The following SLC6A17 variants were observed in gnomAD, a reference collection of about 807,000 sequenced individuals.
SLC6A17 encodes the protein solute carrier family 6 member 17, also known as sodium-dependent neutral amino acid transporter SLC6A17.
SLC6A17 carries 21 observed loss-of-function variants against 64.5 expected under a neutral mutation model. The ratio of observed to expected loss-of-function variants is 0.33; its 90% CI spans 0.23 to 0.47. The LOEUF (loss-of-function observed/expected upper bound fraction) is 0.47, where lower values mean the gene tolerates loss of function less well. Among genes scored for constraint, SLC6A17 ranks in the 20% least tolerant of loss-of-function variants. SLC6A17 has a pLI of 1.00. For missense variants in SLC6A17, 682 were observed against 963.2 expected (o/e 0.71, Z 3.86); for synonymous variants, 372 against 399.5 (o/e 0.93, Z 0.82).
rs1657072386 is a variant in SLC6A17 at position 110,199,833 on chromosome 1, G to GGGT, written c.*1389_*1390insGGT. ...GAACCTGACCCAAGAGTAAATGTCT[G>GGGT]CAGAGAGATGGATGGATGGATGGAT... is the stretch of plus-strand genomic sequence containing the variant. On this transcript the variant is annotated 3_prime_UTR_variant, in exon 12 of 12. Coordinates refer to ENST00000331565, the MANE Select transcript of SLC6A17 (RefSeq NM_001010898.4). 2.5e-6 allele frequency: 1 copy of GGGT among 396,870 alleles called. No homozygotes were observed. Among genetic ancestry groups the GGGT allele is most frequent in the Non-Finnish European group, 4.4e-6 (1 of 225,700 alleles). 24.6% of individuals were successfully genotyped at this position (396,870 alleles called of 1,614,324 possible).
chr1:110,195,079 G>T, intron 9 of SLC6A17: 1 of 463,542 alleles, frequency 2.2e-6, no homozygotes, highest in Admixed American at 3.4e-5. Context: ...GAGTCGTCTT[G>T]GGCAGGGGCA....
chr1:110,155,330 T>TA (rs1655727501), intron 1 of SLC6A17, among the ~76,000 whole-genome samples: 2 of 152,214 alleles, frequency 1.3e-5, no homozygotes, highest in Non-Finnish European at 2.9e-5. Context: ...CCAGTTTTTT[T>TA]TAAAAAATAC....
At position 110,199,656 on chromosome 1, in the gene SLC6A17, G is replaced by A. The variant is rs1350132214; in HGVS notation, c.*1212G>A. On this transcript the variant is annotated 3_prime_UTR_variant, in exon 12 of 12. Transcript: ENST00000331565. ...AGTGGCCAGTGCCATAGGCAGTGCT[G>A]TGGACAGTAGAGGCTGCCAAAGGCA... 3.4e-6 allele frequency: 1 copy of A among 298,284 alleles called. No homozygotes were observed. The highest frequency in any genetic ancestry group is 6.2e-6 in the Non-Finnish European group (1 of 162,240). 18.5% of individuals were successfully genotyped at this position (298,284 alleles called of 1,614,324 possible).
rs1341276997 is a variant in SLC6A17, at chr1:110,167,273, G to A, written c.286+58G>A. The A allele has an allele frequency of 8.4e-6, 13 of 1,552,570 alleles. No individual in the cohort carries two copies. In the East Asian group the frequency reaches 2.5e-4, roughly 30 times the overall value. On this transcript the variant is annotated intron_variant, in intron 2 of 11. Coordinates refer to ENST00000331565, the MANE Select transcript of SLC6A17 (RefSeq NM_001010898.4). ...CCTGCAAATAGGCCGGGGATGAGGG[G>A]TAAAAAAGAACACCCCTTTGCTGAG...
chr1:110,157,946 G>A (rs1197853074), intron 1 of SLC6A17, among the ~76,000 whole-genome samples: 2 of 152,058 alleles, frequency 1.3e-5, no homozygotes, highest in Admixed American at 6.5e-5. Flanking sequence ...CGGAGCATAC[G>A]TCCTTACCCC....
chr1:110,176,315 G>A (rs1656372001), intron 5 of SLC6A17, among the ~76,000 whole-genome samples: 1 of 152,078 alleles, frequency 6.6e-6, no homozygotes, highest in African/African-American at 2.4e-5. Flanking sequence ...GAATGAGGAG[G>A]GGACAGCAAA....
chr1:110,167,718 T>G (rs144131081), intron 2 of SLC6A17, among the ~76,000 whole-genome samples: 1 of 152,324 alleles, frequency 6.6e-6, no homozygotes, highest in Non-Finnish European at 1.5e-5. Flanking sequence ...TTGAGCATCT[T>G]AGAACAACAA....
intron 6 of SLC6A17, chr1:110,178,531 T>G (rs1257800278): frequency 6.6e-6 from 1 of 152,240 alleles, no homozygotes; most frequent in Non-Finnish European, 1.5e-5. Flanking sequence ...TTCCCTTCCC[T>G]TCCCAAAGAT....
rs1655564657 is a variant in SLC6A17 at position 110,150,533 on chromosome 1, C to G, written c.-438C>G. On this transcript the variant is annotated 5_prime_UTR_variant, in exon 1 of 12. Coordinates refer to ENST00000331565, the MANE Select transcript of SLC6A17 (RefSeq NM_001010898.4). The stretch of plus-strand genomic sequence containing the variant: ...GGGAACAGTGCGCGCAGCGCTCCGC[C>G]CAGCTCCGTTCTGCTCCGCAGAGCC... 1 of 152,312 alleles carries G rather than the reference C, an allele frequency of 6.6e-6. No individual in the cohort carries two copies. Among genetic ancestry groups the G allele is most frequent in the Non-Finnish European group, 1.5e-5 (1 of 68,116 alleles). 9.4% of individuals were successfully genotyped at this position (152,312 alleles called of 1,614,324 possible).
At chr1:110,187,462 T>C (rs772079801) in intron 6 of SLC6A17, among the ~76,000 whole-genome samples, 7 of 152,244 alleles carry the variant, frequency 4.6e-5, no homozygotes, top group Non-Finnish European at 7.3e-5. Flanking sequence ...GGCACAAGGG[T>C]AGGCTACAGT....
Position 110,194,609 on chromosome 1 carries a change from G to A in SLC6A17, c.1330G>A (p.Ala444Thr), listed in dbSNP as rs376852179. 1.5e-5 allele frequency: 25 copies of A among 1,614,080 alleles called. No individual in the cohort carries two copies. The highest frequency in any genetic ancestry group is 1.7e-4 in the Middle Eastern group (1 of 6,060). Residue 444 changes from alanine (A) to threonine (T), a missense_variant, in exon 9 of 12, where the codon GCC becomes ACC. Transcript: ENST00000331565. ...GCAGGGCACAGGCCTGGCCTTCATC[G>A]CCTTCACTGAGGCCATGACGCACTT... The part of the protein sequence containing the change: ...SVQGTGLAFI[A>T]FTEAMTHFPA...
In SLC6A17 at chr1:110,192,673, G is replaced by A. The variant is rs766934783; in HGVS notation, c.1274G>A (p.Cys425Tyr). The change falls in exon 8 of 12, where the codon TGC (cysteine) becomes TAC (tyrosine). Residue 425 changes from cysteine (C) to tyrosine (Y), a missense_variant. Transcript: ENST00000331565. This position sits in a 1 kb window ranked among gnomAD's most constrained non-coding sequence, Gnocchi z 4.3. ...TTCTCAGCCCTGGGCCTTGACCCCT[G>A]CCTTCTGGAGGACGAGCTGGACAAG... ...DQFSALGLDP[C>Y]LLEDELDKSV... 1 of 1,613,760 alleles carries A rather than the reference G, an allele frequency of 6.2e-7. No individual in the cohort carries two copies. Among genetic ancestry groups the A allele is most frequent in the Non-Finnish European group, 8.5e-7 (1 of 1,179,832 alleles).
At position 110,150,708 on chromosome 1, in the gene SLC6A17, C is replaced by G. The variant is rs1227199295; in HGVS notation, c.-263C>G. On this transcript the variant is annotated 5_prime_UTR_variant, in exon 1 of 12. Coordinates refer to ENST00000331565, the MANE Select transcript of SLC6A17 (RefSeq NM_001010898.4). ...AGCCAGGTTGGGACTGGTGGTGAGG[C>G]AGGGAGTGAGGAGCGAGCGGAGTCG... is the stretch of plus-strand genomic sequence containing the variant. The G allele has an allele frequency of 6.6e-6, 1 of 152,230 alleles. No individual in the cohort carries two copies. Among genetic ancestry groups the G allele is most frequent in the Non-Finnish European group, 1.5e-5 (1 of 68,062 alleles). The allele number at this position is 152,230 out of a possible 1,614,324, so 9.4% of individuals were successfully genotyped here.
chr1:110,193,439 C>T (rs1456404452), intron 8 of SLC6A17, among the ~76,000 whole-genome samples: 1 of 152,236 alleles, frequency 6.6e-6, no homozygotes, highest in East Asian at 1.9e-4. Flanking sequence ...AATGACTGTT[C>T]TGTTAGAAGG....
chr1:110,182,001 C>T (rs1416009369), intron 6 of SLC6A17, among the ~76,000 whole-genome samples: 13 of 152,122 alleles, frequency 8.5e-5, no homozygotes, highest in African/African-American at 2.9e-4. Context: ...CATGATCTGA[C>T]TTCTTAGGAC....
chr1:110,172,374 A>T, intron 3 of SLC6A17, 157 bp downstream of exon 3: 3 of 921,462 alleles, frequency 3.3e-6, no homozygotes, highest in Non-Finnish European at 4.7e-6. Context: ...CTGGGGTTCC[A>T]GGACCCCAGT....
chr1:110,180,794 T>A (rs1383104615), intron 6 of SLC6A17, among the ~76,000 whole-genome samples: 1 of 152,006 alleles, frequency 6.6e-6, no homozygotes, highest in East Asian at 1.9e-4. Context: ...ATAAATGACA[T>A]CCCCAGGGGT....
chr1:110,176,881 CA>C, intron 6 of SLC6A17, 142 bp downstream of exon 6: 1 of 729,820 alleles, frequency 1.4e-6, no homozygotes, highest in Non-Finnish European at 2.3e-6. Flanking sequence ...GAGAGATGCA[CA>C]GGGAAGGGGG....
At chr1:110,180,464 C>T (rs1479497587) in intron 6 of SLC6A17, among the ~76,000 whole-genome samples, 2 of 152,216 alleles carry the variant, frequency 1.3e-5, no homozygotes, top group Non-Finnish European at 2.9e-5. Flanking sequence ...GAGAAGGAAG[C>T]TCTGGGGGGC....
Sources: allele counts gnomAD v4.1 joint callset (sites outside exome capture counted in the v4.1 genomes callset), GRCh38; gene constraint gnomAD v4.1.1; non-coding constraint Gnocchi (gnomAD v3.1); transcripts MANE v1.5; gene names NCBI Gene and HGNC (gene_info 2026-07-23, HGNC 2026-07-21).